ATP2C2: variants seen among roughly 807,000 people sequenced by gnomAD.
The protein encoded by ATP2C2 is ATPase secretory pathway Ca2+ transporting 2.
In ATP2C2, 171 loss-of-function variants were observed where a neutral mutation model predicts 110.8. The ratio of observed to expected loss-of-function variants is 1.54; its 90% CI spans 1.36 to 1.75. The LOEUF (loss-of-function observed/expected upper bound fraction) is 1.75, where lower values mean the gene tolerates loss of function less well. Among genes scored for constraint, ATP2C2 ranks in the 40% most tolerant of loss-of-function variants. The pLI is 0.00. For synonymous variants in ATP2C2, 804 were observed against 508.4 expected (o/e 1.58, Z -7.82); for missense variants, 1,963 against 1,235.0 (o/e 1.59, Z -8.84).
At chr16:84,446,819 C>G (rs994310579) in intron 16 of ATP2C2, among the ~76,000 whole-genome samples, 2 of 152,190 alleles carry the variant, frequency 1.3e-5, no homozygotes, top group African/African-American at 4.8e-5. Context: ...AATCCAGTGA[C>G]TGAGGCCCTG....
chr16:84,463,160 C>T (rs892965187), intron 26 of ATP2C2, among the ~76,000 whole-genome samples: 1 of 151,494 alleles, frequency 6.6e-6, no homozygotes, highest in Non-Finnish European at 1.5e-5. Context: ...CTCAAAACAG[C>T]ATGTGACAGG....
At chr16:84,453,616 C>T (rs867584360) in intron 20 of ATP2C2, among the ~76,000 whole-genome samples, 1 of 152,120 alleles carries the variant, frequency 6.6e-6, no homozygotes, top group Non-Finnish European at 1.5e-5. Context: ...GCAACACTTG[C>T]GCTGACAGCC....
intron 21 of ATP2C2, among the ~76,000 whole-genome samples, 200 bp downstream of exon 21, chr16:84,455,184 T>C (rs966614727): frequency 4.0e-5 from 6 of 151,806 alleles, no homozygotes; most frequent in Non-Finnish European, 7.4e-5. Flanking sequence ...ATGGGGTCCA[T>C]GATGCCTGGG....
At chr16:84,373,049 G>A (rs1336787910) in intron 1 of ATP2C2, among the ~76,000 whole-genome samples, 4 of 151,602 alleles carry the variant, frequency 2.6e-5, no homozygotes, top group African/African-American at 7.3e-5. Flanking sequence ...GAACCCAGGA[G>A]GCGGAGGTTG....
At chr16:84,440,416 G>T (rs887101072) in intron 13 of ATP2C2, among the ~76,000 whole-genome samples, 6 of 152,248 alleles carry the variant, frequency 3.9e-5, no homozygotes, top group Non-Finnish European at 8.8e-5. Context: ...TGAAAATAAA[G>T]TTTCCTTGGT....
intron 6 of ATP2C2, among the ~76,000 whole-genome samples, chr16:84,412,416 G>T (rs1906428554): frequency 6.6e-6 from 1 of 150,818 alleles, no homozygotes; most frequent in Admixed American, 6.6e-5. Flanking sequence ...GCATGTGTCT[G>T]TGTATGTGTG....
At chr16:84,402,533 G>A (rs1184112077) in intron 2 of ATP2C2, among the ~76,000 whole-genome samples, 5 of 151,990 alleles carry the variant, frequency 3.3e-5, no homozygotes, top group African/African-American at 9.7e-5. Context: ...ATTCTGTCAC[G>A]TTTTTTCAGC....
In ATP2C2 at chr16:84,423,228, G is replaced by A. The variant is rs750950827; in HGVS notation, c.884G>A (p.Gly295Glu). The A allele has an allele frequency of 6.2e-7, 1 of 1,614,188 alleles. No homozygotes were observed. The highest frequency in any genetic ancestry group is 1.1e-5 in the South Asian group (1 of 91,080). Reference sequence around the variant, plus strand: ...TTGCAGAAAAGCATGGACAGGCTAGGAAAGCAACTGACACTCTTCTCCTTT... The same window carrying A: ...TTGCAGAAAAGCATGGACAGGCTAGAAAAGCAACTGACACTCTTCTCCTTT... The part of the protein sequence containing the change: ...TPLQKSMDRL[G>E]KQLTLFSFGI... The change falls in exon 10 of 27, where the codon GGA (glycine) becomes GAA (glutamate). Residue 295 changes from glycine (G) to glutamate (E), a missense_variant. Physicochemically the swap from Gly to Glu is moderately conservative, Grantham distance 98. Transcript: ENST00000262429.
chr16:84,459,547 T>A, intron 23 of ATP2C2, 161 bp downstream of exon 23: 1 of 1,539,682 alleles, frequency 6.5e-7, no homozygotes, highest in Non-Finnish European at 8.7e-7. Context: ...GCAGTGAGAC[T>A]GGGAGTAGAA....
chr16:84,419,666 A>C (rs1281800946), intron 7 of ATP2C2, among the ~76,000 whole-genome samples: 2 of 151,360 alleles, frequency 1.3e-5, no homozygotes, highest in Non-Finnish European at 2.9e-5. Flanking sequence ...CCCCGACCCC[A>C]CTCCCCATCC....
rs377765199 is a variant in ATP2C2 at position 84,425,724 on chromosome 16, C to T, written c.920-11C>T. The T allele has an allele frequency of 1.5e-5, 25 of 1,613,714 alleles. No individual in the cohort carries two copies. The African/African-American group carries it at 2.9e-4, about 19-fold the overall frequency. ...CATATGGAGATAAGGATGTTTTTGT[C>T]TCTTCCCCAGGTCTCATCATGCTCA... On this transcript the variant is annotated splice_polypyrimidine_tract_variant and intron_variant, in intron 10 of 26. Coordinates refer to ENST00000262429, the MANE Select transcript of ATP2C2 (RefSeq NM_014861.4).
In ATP2C2 at chr16:84,422,520, T is replaced by A. The variant is rs1907437739; in HGVS notation, c.755T>A (p.Val252Glu). Residue 252 changes from valine (V) to glutamate (E), a missense_variant, in exon 8 of 27, where the codon GTG (valine) becomes GAG (glutamate). Coordinates refer to ENST00000262429, the MANE Select transcript of ATP2C2 (RefSeq NM_014861.4). ...LSNIVFMGTL[V>E]QYGRGQGVVI... ...AACATCGTCTTCATGGGGACCCTGG[T>A]GCAGTATGGGAGGGGCCAGGTAAGC... is the stretch of plus-strand genomic sequence containing the variant. The A allele has an allele frequency of 1.2e-6, 2 of 1,614,106 alleles. No individual in the cohort carries two copies. Among genetic ancestry groups the A allele is most frequent in the Non-Finnish European group, 1.7e-6 (2 of 1,180,018 alleles).
chr16:84,408,345 G>T, intron 3 of ATP2C2, 60 bp from the exon 4 acceptor site: 1 of 1,518,072 alleles, frequency 6.6e-7, no homozygotes, highest in South Asian at 1.1e-5. Flanking sequence ...TGCACAGTAA[G>T]AAACCCATTC....
intron 6 of ATP2C2, among the ~76,000 whole-genome samples, chr16:84,414,079 A>T (rs752758649): frequency 2.0e-5 from 3 of 152,152 alleles, no homozygotes; most frequent in Middle Eastern, 3.2e-3. Flanking sequence ...GGTGAGGACA[A>T]CCCTAAATAG....
chr16:84,398,759 C>A, intron 2 of ATP2C2, 150 bp downstream of exon 2: 1 of 621,390 alleles, frequency 1.6e-6, no homozygotes, highest in South Asian at 2.2e-5. Context: ...TTGAATGGTT[C>A]AGATTCCACA....
intron 1 of ATP2C2, among the ~76,000 whole-genome samples, chr16:84,389,048 C>T (rs8047598): frequency 0.041 from 6,185 of 152,156 alleles, 420 homozygotes; most frequent in African/African-American, 0.14. Context: ...TGAGCCACCG[C>T]GCCCGGCCTA....
At position 84,404,521 on chromosome 16, in the gene ATP2C2, T is replaced by C. The variant is rs1905578051; in HGVS notation, c.211-607T>C. ...AGGTGTATCCATGTTGTAGCACGTG[T>C]CAGCATTTTCTTTCGTTCTCAGGCT... On this transcript the variant is annotated intron_variant, in intron 2 of 26. Coordinates refer to ENST00000262429, the MANE Select transcript of ATP2C2 (RefSeq NM_014861.4). 1.7e-5 allele frequency: 3 copies of C among 181,048 alleles called. No homozygotes were observed. The South Asian group carries it at 3.4e-4, about 21-fold the overall frequency. The allele number at this position is 181,048 out of a possible 1,614,324, so 11.2% of individuals were successfully genotyped here.
In ATP2C2 at chr16:84,368,600, C is replaced by T. The variant is rs1460321723; in HGVS notation, c.-16C>T. On this transcript the variant is annotated 5_prime_UTR_variant, in exon 1 of 27. Transcript: ENST00000262429. ...CGGGGACCTAGGGACGCAGGCAACG[C>T]CTGCGCCCGCTCACCATGGTCGAGG... 3.2e-6 allele frequency: 5 copies of T among 1,543,594 alleles called. No homozygotes were observed. In the East Asian group the frequency reaches 1.3e-4, roughly 39 times the overall value.
At chr16:84,421,043 T>C (rs1907286626) in intron 7 of ATP2C2, among the ~76,000 whole-genome samples, 1 of 152,116 alleles carries the variant, frequency 6.6e-6, no homozygotes, top group African/African-American at 2.4e-5. Context: ...TGACTTCAAG[T>C]GATCTGCCTG....
Sources: gnomAD v4.1 joint callset for allele counts (sites outside exome capture counted in the v4.1 genomes callset) on GRCh38, gnomAD v4.1.1 for gene constraint, MANE v1.5 for transcripts, NCBI Gene and HGNC (gene_info 2026-07-23, HGNC 2026-07-21) for gene names.